Variants in SUGT1 observed in about 807,000 individuals in gnomAD.
SUGT1 encodes the protein protein SGT1 homolog.
Under a neutral mutation model 56.1 loss-of-function variants are expected in SUGT1, and 15 were observed. That is an observed-to-expected ratio of 0.27 (90% CI 0.18 to 0.41). The LOEUF (loss-of-function observed/expected upper bound fraction) is 0.41. Among genes scored for constraint, SUGT1 ranks in the 10% least tolerant of loss-of-function variants. The pLI is 1.00. For missense variants in SUGT1, 347 were observed against 382.2 expected, an observed-to-expected ratio of 0.91 and a Z score of 0.77; for synonymous variants, 123 against 128.6, an observed-to-expected ratio of 0.96 and a Z score of 0.30.
In SUGT1 at chr13:52,696,079, G is replaced by C. The variant is rs1963920602; in HGVS notation, c.*8244G>C. The C allele has an allele frequency of 6.6e-6, 1 of 152,232 alleles. No homozygotes were observed. 9.4% of individuals were successfully genotyped at this position (152,232 alleles called of 1,614,324 possible). On this transcript the variant is annotated 3_prime_UTR_variant, in exon 13 of 13. Transcript: ENST00000310528. ...GTGCTAATCTATTCCTTGTTTGTCA[G>C]ACCAGTACATTACAGTTGGTTCATT... is the stretch of plus-strand genomic sequence containing the variant.
chr13:52,665,619 C>CTTTT lies in SUGT1; in HGVS notation c.423-9_423-6dup. On this transcript the variant is annotated splice_polypyrimidine_tract_variant and intron_variant, in intron 8 of 12. Coordinates refer to ENST00000310528, the MANE Select transcript of SUGT1 (RefSeq NM_006704.5). The stretch of plus-strand genomic sequence containing the variant: ...AAAATTAGAAGAGTTACCTAAGTTT[C>CTTTT]TTTTTTTTTTTTAATAGGTATGACT... 8.9e-7 allele frequency: 1 copy of CTTTT among 1,118,312 alleles called. No individual in the cohort carries two copies. The highest frequency in any genetic ancestry group is 1.2e-6 in the Non-Finnish European group (1 of 827,422). 69.3% of individuals were successfully genotyped at this position (1,118,312 alleles called of 1,614,324 possible).
chr13:52,678,547 A>G (rs1016869972), intron 11 of SUGT1, among the ~76,000 whole-genome samples: 7 of 152,194 alleles, frequency 4.6e-5, no homozygotes, highest in Admixed American at 3.9e-4. Flanking sequence ...AGTAGCTGCT[A>G]GCCACATGTT....
chr13:52,671,971 A>T (rs1326297247), intron 10 of SUGT1, among the ~76,000 whole-genome samples: 1 of 152,206 alleles, frequency 6.6e-6, no homozygotes, highest in East Asian at 1.9e-4. Context: ...AAATATGGAT[A>T]ACAATCTTTT....
chr13:52,671,024 G>A (rs2138143183), intron 10 of SUGT1, among the ~76,000 whole-genome samples: 1 of 152,112 alleles, frequency 6.6e-6, no homozygotes, highest in Non-Finnish European at 1.5e-5. Context: ...AGAAGTTTTA[G>A]AGCGTATCCT....
Position 52,666,914 on chromosome 13 carries a change from A to G in SUGT1, c.622A>G (p.Thr208Ala), listed in dbSNP as rs1962729668. Residue 208 changes from threonine to alanine, a missense_variant, in exon 10 of 13, where the codon ACA becomes GCA. Transcript: ENST00000310528. ...ACAGAGCACGTTTAAAGTACTTTCA[A>G]CAAAGGTAAGACCATTGAAAAGTTT... ...PEQSTFKVLS[T>A]KIEIKLKKPE... is the part of the protein sequence containing the mutation. 6.2e-7 allele frequency: 1 copy of G among 1,608,432 alleles called. No individual in the cohort carries two copies. Among genetic ancestry groups the G allele is most frequent in the African/African-American group, 1.3e-5 (1 of 74,894 alleles).
chr13:52,700,430 C>T lies in SUGT1; in HGVS notation c.*12595C>T, dbSNP rs1781794369. On this transcript the variant is annotated 3_prime_UTR_variant, in exon 13 of 13. Coordinates refer to ENST00000310528, the MANE Select transcript of SUGT1 (RefSeq NM_006704.5). The stretch of plus-strand genomic sequence containing the variant: ...TGAATGTAAGCAGTTGAAGTAAAAC[C>T]TGTAGTGAGTTCTTCAGTCAGTCAA... 6.6e-6 allele frequency: 1 copy of T among 152,064 alleles called. No individual in the cohort carries two copies. Among genetic ancestry groups the T allele is most frequent in the African/African-American group, 2.4e-5 (1 of 41,418 alleles). 9.4% of individuals were successfully genotyped at this position (152,064 alleles called of 1,614,324 possible). A position where few individuals can be genotyped will look rare whatever the true frequency, so the allele number is the denominator to read the frequency against.
Position 52,676,414 on chromosome 13 carries a change from A to G in SUGT1, c.718+94A>G, listed in dbSNP as rs1963146051. ...AACATTCTTTTTACTTTCATTATTTATGTTCTCAAGATAAGATACATTGAG... is the reference window on the plus strand; with the variant it reads ...AACATTCTTTTTACTTTCATTATTTGTGTTCTCAAGATAAGATACATTGAG... On this transcript the variant is annotated intron_variant, in intron 11 of 12. Coordinates refer to ENST00000310528, the MANE Select transcript of SUGT1 (RefSeq NM_006704.5). 11 of 1,067,666 alleles carry G rather than the reference A, an allele frequency of 1.0e-5. No individual in the cohort carries two copies. In the South Asian group the frequency reaches 1.7e-4, roughly 17 times the overall value. 66.1% of individuals were successfully genotyped at this position (1,067,666 alleles called of 1,614,324 possible).
chr13:52,664,178 A>G, intron 8 of SUGT1, 121 bp downstream of exon 8: 2 of 1,036,650 alleles, frequency 1.9e-6, no homozygotes, highest in Non-Finnish European at 2.8e-6. Flanking sequence ...TTGTTTTCTA[A>G]AATTGTGTAA....
chr13:52,700,715 C>T lies in SUGT1; in HGVS notation c.*12880C>T, dbSNP rs1964056811. 1 of 151,060 alleles carries T rather than the reference C, an allele frequency of 6.6e-6. No homozygotes were observed. Among genetic ancestry groups the T allele is most frequent in the African/African-American group, 2.5e-5 (1 of 40,654 alleles). 9.4% of individuals were successfully genotyped at this position (151,060 alleles called of 1,614,324 possible). ...GTCTATGCATGTAGACTTTGGTCAACTCTCTCCTCCTCCCTCAATAAATCA... is the reference window on the plus strand; with the variant it reads ...GTCTATGCATGTAGACTTTGGTCAATTCTCTCCTCCTCCCTCAATAAATCA... On this transcript the variant is annotated 3_prime_UTR_variant, in exon 13 of 13. Coordinates refer to ENST00000310528, the MANE Select transcript of SUGT1 (RefSeq NM_006704.5).
intron 9 of SUGT1, 126 bp from the exon 10 acceptor site, chr13:52,666,685 TA>T (rs1208474191): frequency 2.9e-6 from 2 of 686,920 alleles, no homozygotes; most frequent in African/African-American, 3.7e-5. Context: ...TTCTTAAATC[TA>T]AAATTCCATA....
Position 52,659,262 on chromosome 13 carries a change from A to C in SUGT1, c.328+13A>C. On this transcript the variant is annotated intron_variant, in intron 5 of 12. Transcript: ENST00000310528. ...CAAAAATTAGATAGTAAGTATTAAAAATTATACTTTAATAAACTTATCTAT... is the reference window on the plus strand; with the variant it reads ...CAAAAATTAGATAGTAAGTATTAAACATTATACTTTAATAAACTTATCTAT... 1 of 1,404,512 alleles carries C rather than the reference A, an allele frequency of 7.1e-7. No homozygotes were observed. The highest frequency in any genetic ancestry group is 9.5e-7 in the Non-Finnish European group (1 of 1,054,132). 87.0% of individuals were successfully genotyped at this position (1,404,512 alleles called of 1,614,324 possible). A position where few individuals can be genotyped will look rare whatever the true frequency, so the allele number is the denominator to read the frequency against.
At chr13:52,684,143 C>T (rs762301259) in intron 12 of SUGT1, among the ~76,000 whole-genome samples, 23 of 152,052 alleles carry the variant, frequency 1.5e-4, no homozygotes, top group Non-Finnish European at 2.8e-4. Context: ...TCAAGCGATC[C>T]GCCCACCTTG....
intron 8 of SUGT1, 43 bp downstream of exon 8, chr13:52,664,100 CT>C (rs1251887411): frequency 1.0e-5 from 16 of 1,583,200 alleles, no homozygotes; most frequent in Non-Finnish European, 1.4e-5. Flanking sequence ...ATAAATATGC[CT>C]AAAGAGGAAG....
At chr13:52,666,670 T>C in intron 9 of SUGT1, 142 bp from the exon 10 acceptor site, 2 of 629,414 alleles carry the variant, frequency 3.2e-6, no homozygotes, top group Non-Finnish European at 5.4e-6. Context: ...GAGAACCTTT[T>C]GAGGTTCTTA....
At chr13:52,664,102 A>G (rs776665955) in intron 8 of SUGT1, 45 bp downstream of exon 8, 96 of 1,569,080 alleles carry the variant, frequency 6.1e-5, no homozygotes, top group Middle Eastern at 3.4e-4. Context: ...AAATATGCCT[A>G]AAGAGGAAGA....
At chr13:52,663,537 T>C (rs1962554732) in intron 7 of SUGT1, among the ~76,000 whole-genome samples, 1 of 152,168 alleles carries the variant, frequency 6.6e-6, no homozygotes, top group South Asian at 2.1e-4. Context: ...GGTGCCATCA[T>C]AGTGCACTTG....
rs1962273101 is a variant in SUGT1, at chr13:52,658,563, A to G, written c.257+95A>G. On this transcript the variant is annotated intron_variant, in intron 4 of 12. Coordinates refer to ENST00000310528, the MANE Select transcript of SUGT1 (RefSeq NM_006704.5). ...ATTGCAAGCTTTATATAAGTTGTAA[A>G]ATTCTGTATTTATACATTATATAGC... 3 of 1,178,100 alleles carry G rather than the reference A, an allele frequency of 2.5e-6. No individual in the cohort carries two copies. In the East Asian group the frequency reaches 7.4e-5, roughly 29 times the overall value. 73.0% of individuals were successfully genotyped at this position (1,178,100 alleles called of 1,614,324 possible). A position where few individuals can be genotyped will look rare whatever the true frequency, so the allele number is the denominator to read the frequency against.
chr13:52,679,782 A>G (rs1480940104), intron 11 of SUGT1, among the ~76,000 whole-genome samples, 192 bp from the exon 12 acceptor site: 1 of 152,204 alleles, frequency 6.6e-6, no homozygotes, highest in Non-Finnish European at 1.5e-5. Flanking sequence ...ACATTATGGT[A>G]ACTGACTCAG....
chr13:52,673,799 T>A (rs1216746526), intron 10 of SUGT1, among the ~76,000 whole-genome samples: 1 of 152,262 alleles, frequency 6.6e-6, no homozygotes, highest in Non-Finnish European at 1.5e-5. Flanking sequence ...GATGCAATTT[T>A]AATTTTTCAG....
Sources: gnomAD v4.1 joint callset for allele counts (sites outside exome capture counted in the v4.1 genomes callset) on GRCh38, gnomAD v4.1.1 for gene constraint, MANE v1.5 for transcripts, NCBI Gene and HGNC (gene_info 2026-07-23, HGNC 2026-07-21) for gene names.